The following CNTNAP5 variants were observed in gnomAD, a reference collection of about 807,000 sequenced individuals.
CNTNAP5 encodes the protein contactin associated protein family member 5, also known as contactin-associated protein-like 5.
A neutral mutation model predicts 150.2 loss-of-function variants in CNTNAP5; 72 were observed. That is an observed-to-expected ratio of 0.48 (90% CI 0.40 to 0.58). CNTNAP5 has a LOEUF of 0.58. Among genes scored for constraint, CNTNAP5 ranks in the 20% least tolerant of loss-of-function variants. CNTNAP5 has a pLI of 0.00. For missense variants in CNTNAP5, 1,636 were observed against 1,626.2 expected, an observed-to-expected ratio of 1.01 and a Z score of -0.10; for synonymous variants, 672 against 619.8, an observed-to-expected ratio of 1.08 and a Z score of -1.25.
At chr2:124,507,969 C>T (rs1166403077) in intron 8 of CNTNAP5, among the ~76,000 whole-genome samples, 1 of 152,092 alleles carries the variant, frequency 6.6e-6, no homozygotes. Flanking sequence ...ATATTCTATT[C>T]CTTAGAAGCA....
intron 3 of CNTNAP5, among the ~76,000 whole-genome samples, chr2:124,305,629 A>G (rs1489477630): frequency 6.6e-6 from 1 of 152,188 alleles, no homozygotes; most frequent in Admixed American, 6.5e-5. Context: ...TGATTAGGTC[A>G]TTAGGACTTT....
chr2:124,637,633 T>C (rs1677999328), intron 12 of CNTNAP5, among the ~76,000 whole-genome samples: 1 of 152,206 alleles, frequency 6.6e-6, no homozygotes, highest in Admixed American at 6.5e-5. Flanking sequence ...CCCAATATGG[T>C]AGGGATCCTG....
intron 3 of CNTNAP5, among the ~76,000 whole-genome samples, chr2:124,362,217 C>G (rs1573942350): frequency 6.6e-6 from 1 of 152,240 alleles, no homozygotes; most frequent in Non-Finnish European, 1.5e-5. Context: ...TCTGGCACTC[C>G]CTAGTGAGAT....
At chr2:124,599,111 G>C (rs1696914854) in intron 11 of CNTNAP5, among the ~76,000 whole-genome samples, 1 of 152,122 alleles carries the variant, frequency 6.6e-6, no homozygotes, top group Non-Finnish European at 1.5e-5. Context: ...CTTCTGCGTC[G>C]CTCACGCTGG....
intron 13 of CNTNAP5, among the ~76,000 whole-genome samples, chr2:124,686,965 C>A (rs1186147113): frequency 6.6e-6 from 1 of 152,078 alleles, no homozygotes; most frequent in African/African-American, 2.4e-5. Flanking sequence ...CTACACTGTC[C>A]AATATGGCAG....
intron 19 of CNTNAP5, among the ~76,000 whole-genome samples, chr2:124,806,422 T>C (rs998754806): frequency 3.3e-5 from 5 of 152,182 alleles, no homozygotes; most frequent in African/African-American, 1.2e-4. Flanking sequence ...CTTAATCATA[T>C]TCTTTTTGAG....
At chr2:124,598,498 C>G (rs1323787524) in intron 11 of CNTNAP5, among the ~76,000 whole-genome samples, 201 of 140,616 alleles carry the variant, frequency 1.4e-3, no homozygotes, top group Non-Finnish European at 2.4e-3. Flanking sequence ...GCAGTCTGCC[C>G]ATTCTCAGAT....
intron 3 of CNTNAP5, among the ~76,000 whole-genome samples, chr2:124,405,444 G>A (rs886715712): frequency 1.3e-5 from 2 of 152,076 alleles, no homozygotes; most frequent in Non-Finnish European, 2.9e-5. Context: ...TGCAGAAACC[G>A]GACTCCACTT....
At chr2:124,253,738 C>G (rs1687242721) in intron 3 of CNTNAP5, among the ~76,000 whole-genome samples, 1 of 152,050 alleles carries the variant, frequency 6.6e-6, no homozygotes, top group Non-Finnish European at 1.5e-5. Flanking sequence ...GGATACTAAT[C>G]AGGATAGTAG....
chr2:124,363,660 G>A (rs1194877095), intron 3 of CNTNAP5, among the ~76,000 whole-genome samples: 3 of 151,974 alleles, frequency 2.0e-5, no homozygotes, highest in Non-Finnish European at 2.9e-5. Flanking sequence ...ACTGTATTGT[G>A]CACTTACATT....
At chr2:124,446,415 C>G (rs1157161323) in intron 5 of CNTNAP5, among the ~76,000 whole-genome samples, 1 of 152,182 alleles carries the variant, frequency 6.6e-6, no homozygotes, top group African/African-American at 2.4e-5. Flanking sequence ...AAGAACCATT[C>G]AAACTCAAAG....
chr2:124,138,771 T>C (rs1684036799), intron 1 of CNTNAP5, among the ~76,000 whole-genome samples: 1 of 151,276 alleles, frequency 6.6e-6, no homozygotes, highest in African/African-American at 2.5e-5. Context: ...ATACGGCATG[T>C]AAGAACCTAC....
chr2:124,438,807 C>A (rs1031925206), intron 5 of CNTNAP5, among the ~76,000 whole-genome samples: 1 of 152,018 alleles, frequency 6.6e-6, no homozygotes, highest in African/African-American at 2.4e-5. Context: ...TTTTTGAGAG[C>A]CCACATTTAG....
At chr2:124,130,363 G>T (rs907971169) in intron 1 of CNTNAP5, among the ~76,000 whole-genome samples, 1 of 151,886 alleles carries the variant, frequency 6.6e-6, no homozygotes, top group Non-Finnish European at 1.5e-5. Context: ...TGGGCCCACC[G>T]ACTCAGGCTC....
chr2:124,822,404 G>A (rs10202474), intron 19 of CNTNAP5, among the ~76,000 whole-genome samples: 7,585 of 152,044 alleles, frequency 0.05, 554 homozygotes, highest in African/African-American at 0.16. Context: ...TTTAACCAGT[G>A]TATTAAAAAC....
intron 1 of CNTNAP5, among the ~76,000 whole-genome samples, chr2:124,153,101 A>G (rs1259167381): frequency 2.0e-5 from 3 of 152,190 alleles, no homozygotes; most frequent in African/African-American, 7.2e-5. Context: ...ATAAAAACTT[A>G]ACCCTTCATA....
intron 11 of CNTNAP5, among the ~76,000 whole-genome samples, chr2:124,590,627 A>C (rs1262413546): frequency 2.0e-5 from 3 of 152,224 alleles, no homozygotes; most frequent in African/African-American, 7.2e-5. Context: ...ACTAGAATTA[A>C]TTTGATCCTA....
chr2:124,426,011 G>A (rs72839494), intron 4 of CNTNAP5, among the ~76,000 whole-genome samples: 6,831 of 151,752 alleles, frequency 0.045, 210 homozygotes, highest in Non-Finnish European at 0.075. Context: ...AGTGCACCCC[G>A]AAAGACATCT....
chr2:124,916,039 T>C lies in CNTNAP5; in HGVS notation c.*1751T>C, dbSNP rs1457976330. ...GTACACTGTCTCTCGCCTCTCACAA[T>C]GAGGAACTTAGTTGCTTCATTCCAT... is the stretch of plus-strand genomic sequence containing the variant. On this transcript the variant is annotated 3_prime_UTR_variant, in exon 24 of 24. Coordinates refer to ENST00000682447, the MANE Select transcript of CNTNAP5 (RefSeq NM_001367498.1). 6.6e-6 allele frequency among the ~76,000 whole-genome samples: 1 copy of C among 152,104 alleles called. No homozygotes were observed. The highest frequency in any genetic ancestry group is 1.5e-5 in the Non-Finnish European group (1 of 67,990).
Sources: gnomAD v4.1 joint callset for allele counts (sites outside exome capture counted in the v4.1 genomes callset) on GRCh38, gnomAD v4.1.1 for gene constraint, MANE v1.5 for transcripts, NCBI Gene and HGNC (gene_info 2026-07-23, HGNC 2026-07-21) for gene names.